Variants in AUTS2 observed in about 807,000 individuals in gnomAD.
The protein encoded by AUTS2 is autism susceptibility gene 2 protein.
Under a neutral mutation model 112.4 loss-of-function variants are expected in AUTS2, and 17 were observed. That is an observed-to-expected ratio of 0.15 (90% CI 0.10 to 0.23). The LOEUF (loss-of-function observed/expected upper bound fraction) is 0.23, where lower values mean the gene tolerates loss of function less well. Among genes scored for constraint, AUTS2 ranks in the 10% least tolerant of loss-of-function variants. The pLI, the probability that AUTS2 is intolerant of heterozygous loss-of-function variation, is 1.00. For synonymous variants in AUTS2, 751 were observed against 702.7 expected (o/e 1.07, Z -1.09); for missense variants, 1,510 against 1,701.6 (o/e 0.89, Z 1.98).
At chr7:70,643,441 C>T (rs144770020) in intron 5 of AUTS2, among the ~76,000 whole-genome samples, 3 of 152,232 alleles carry the variant, frequency 2.0e-5, no homozygotes, top group African/African-American at 7.2e-5. Flanking sequence ...CATGGTGGTG[C>T]GTGCCTGTAA....
chr7:70,501,707 C>T (rs1798779090), intron 5 of AUTS2, among the ~76,000 whole-genome samples: 3 of 152,182 alleles, frequency 2.0e-5, no homozygotes, highest in African/African-American at 7.2e-5. Flanking sequence ...TCAACAGCTC[C>T]TTCCCCCCTT....
At chr7:70,262,878 TGG>T (rs1169407874) in intron 4 of AUTS2, among the ~76,000 whole-genome samples, 1 of 152,200 alleles carries the variant, frequency 6.6e-6, no homozygotes, top group Non-Finnish European at 1.5e-5. Context: ...GGCCTGGATA[TGG>T]GACCCTTGGG....
chr7:70,170,159 A>ATT lies in AUTS2; in HGVS notation c.660+35605_660+35606dup, dbSNP rs34556589. ...GGCAATTTGATAGCTAAATGCAAGT[A>ATT]TTTTTTTTTTTTTTTTTTGAGACAG... is the stretch of plus-strand genomic sequence containing the variant. On this transcript the variant is annotated intron_variant, in intron 4 of 18. Transcript: ENST00000342771. 8.1e-3 allele frequency among the ~76,000 whole-genome samples: 1,082 copies of ATT among 132,862 alleles called. 21 individuals carry two copies. Among genetic ancestry groups the ATT allele is most frequent in the South Asian group, 0.058 (239 of 4,130 alleles). 87.2% of individuals were successfully genotyped at this position (132,862 alleles called of 152,430 possible). A position where few individuals can be genotyped will look rare whatever the true frequency, so the allele number is the denominator to read the frequency against.
chr7:69,631,389 A>C (rs1288962411), intron 1 of AUTS2, among the ~76,000 whole-genome samples: 1 of 152,206 alleles, frequency 6.6e-6, no homozygotes, highest in African/African-American at 2.4e-5. Context: ...AATATTTAAA[A>C]AGAAGAAAAA....
intron 4 of AUTS2, among the ~76,000 whole-genome samples, chr7:70,175,783 A>T (rs1201109464): frequency 1.3e-5 from 2 of 152,192 alleles, no homozygotes; most frequent in Non-Finnish European, 2.9e-5. Context: ...ACTACATTGA[A>T]TTTTTAGACA....
At chr7:69,877,983 A>G (rs896267024) in intron 1 of AUTS2, among the ~76,000 whole-genome samples, 2 of 152,120 alleles carry the variant, frequency 1.3e-5, no homozygotes, top group Non-Finnish European at 2.9e-5. Context: ...GGATCTTCCT[A>G]GGAGGAGCCA....
chr7:70,207,489 T>A (rs549400038), intron 4 of AUTS2, among the ~76,000 whole-genome samples: 1 of 152,316 alleles, frequency 6.6e-6, no homozygotes, highest in Non-Finnish European at 1.5e-5. Context: ...AGATACAGTA[T>A]TATGCAGGAG....
intron 3 of AUTS2, among the ~76,000 whole-genome samples, chr7:70,123,604 G>A (rs2129573762): frequency 6.6e-6 from 1 of 152,214 alleles, no homozygotes; most frequent in East Asian, 1.9e-4. Context: ...TGCAGTATTT[G>A]GTTTTCTGTT....
Position 70,790,480 on chromosome 7 carries a change from C to T in AUTS2, c.3264C>T (p.Asp1088=). 1 of 1,612,566 alleles carries T rather than the reference C, an allele frequency of 6.2e-7. No individual in the cohort carries two copies. Among genetic ancestry groups the T allele is most frequent in the Non-Finnish European group, 8.5e-7 (1 of 1,179,356 alleles). The change falls in exon 19 of 19, where the codon GAC becomes GAT. Residue 1088 remains aspartate (D), a synonymous_variant. Coordinates refer to ENST00000342771, the MANE Select transcript of AUTS2 (RefSeq NM_015570.4). The surrounding 1 kb of genome is among the most constrained non-coding windows in gnomAD (Gnocchi z 7.6). ...PYRELDIHRR[D]PLGRDFLLRN... is the part of the protein sequence containing the mutation. ...GAGAACTTGACATTCACCGGAGAGACCCGCTGGGCAGGGACTTCCTGCTAA... is the reference window on the plus strand; with the variant it reads ...GAGAACTTGACATTCACCGGAGAGATCCGCTGGGCAGGGACTTCCTGCTAA...
intron 1 of AUTS2, among the ~76,000 whole-genome samples, chr7:69,834,998 CT>C (rs1474841816): frequency 2.6e-5 from 4 of 151,964 alleles, no homozygotes; most frequent in Non-Finnish European, 4.4e-5. Flanking sequence ...TGTCTGCTTG[CT>C]TGGTTTTTCT....
Position 70,572,812 on chromosome 7 carries a change from G to A in AUTS2, c.691-125757G>A, listed in dbSNP as rs575338305. Among the ~76,000 whole-genome samples the A allele has an allele frequency of 3.4e-3, 523 of 152,272 alleles. 3 individuals are homozygous for A. Among genetic ancestry groups the A allele is most frequent in the Non-Finnish European group, 5.6e-3 (379 of 68,012 alleles). On this transcript the variant is annotated intron_variant, in intron 5 of 18. Transcript: ENST00000342771. Reference sequence around the variant, plus strand: ...TGTTGGGGATTGATCTGAAAATCTGGTCTGTTGCGGGCCTTTGCTCTCAAG... The same window carrying A: ...TGTTGGGGATTGATCTGAAAATCTGATCTGTTGCGGGCCTTTGCTCTCAAG...
In AUTS2 at chr7:70,777,139, G is replaced by T. The variant is rs750187638; in HGVS notation, c.1969G>T (p.Ala657Ser). The change falls in exon 14 of 19, where the codon GCC becomes TCC. Residue 657 changes from alanine to serine, a missense_variant. By Grantham distance (99) the Ala-to-Ser change is moderately conservative (BLOSUM62 1). Coordinates refer to ENST00000342771, the MANE Select transcript of AUTS2 (RefSeq NM_015570.4). Reference protein sequence around the residue: ...GKWCAMHVHIAWQIYHHQQKV... With the variant: ...GKWCAMHVHISWQIYHHQQKV... ...GTGGTGTGCTATGCATGTTCACATC[G>T]CCTGGCAGATTTACCACCACCAACA... The T allele has an allele frequency of 6.2e-7, 1 of 1,613,916 alleles. No individual in the cohort carries two copies. The highest frequency in any genetic ancestry group is 1.1e-5 in the South Asian group (1 of 91,080).
At chr7:70,234,546 G>A (rs983734968) in intron 4 of AUTS2, among the ~76,000 whole-genome samples, 26 of 152,086 alleles carry the variant, frequency 1.7e-4, no homozygotes, top group African/African-American at 6.0e-4. Context: ...CGGCTCTGTG[G>A]TATTTTTATC....
intron 5 of AUTS2, among the ~76,000 whole-genome samples, chr7:70,668,920 G>T (rs1432164927): frequency 6.6e-6 from 1 of 152,184 alleles, no homozygotes; most frequent in Non-Finnish European, 1.5e-5. Context: ...GGAGAGCCAG[G>T]TTCCCAAGAA....
intron 2 of AUTS2, among the ~76,000 whole-genome samples, chr7:69,912,411 C>G (rs1437976733): frequency 6.6e-6 from 1 of 152,178 alleles, no homozygotes; most frequent in Non-Finnish European, 1.5e-5. Flanking sequence ...CTGCCTGTTC[C>G]TGGCCCCAGC....
intron 16 of AUTS2, among the ~76,000 whole-genome samples, chr7:70,785,679 G>T (rs554923560): frequency 6.6e-6 from 1 of 152,222 alleles, no homozygotes; most frequent in African/African-American, 2.4e-5. Flanking sequence ...AGGCAAGTTA[G>T]TACATCCTAG....
chr7:69,785,549 G>A (rs1789331754), intron 1 of AUTS2, among the ~76,000 whole-genome samples: 1 of 152,238 alleles, frequency 6.6e-6, no homozygotes, highest in African/African-American at 2.4e-5. Flanking sequence ...AATCCCTTCT[G>A]CGGAGCAGAG....
chr7:70,112,673 G>A (rs1315535219), intron 2 of AUTS2, among the ~76,000 whole-genome samples: 4 of 151,864 alleles, frequency 2.6e-5, no homozygotes, highest in African/African-American at 4.8e-5. Context: ...GACTTTGACA[G>A]GTGATTTTTT....
At chr7:70,124,130 C>A (rs1805836424) in intron 3 of AUTS2, among the ~76,000 whole-genome samples, 1 of 152,086 alleles carries the variant, frequency 6.6e-6, no homozygotes, top group Non-Finnish European at 1.5e-5. Context: ...TTTGTATAGG[C>A]TTGTTGGCTG....
Sources: allele counts gnomAD v4.1 joint callset (sites outside exome capture counted in the v4.1 genomes callset), GRCh38; gene constraint gnomAD v4.1.1; non-coding constraint Gnocchi (gnomAD v3.1); transcripts MANE v1.5; gene names NCBI Gene and HGNC (gene_info 2026-07-23, HGNC 2026-07-21).